AGBL4: variants seen among roughly 807,000 people sequenced by gnomAD.
AGBL4 encodes the protein AGBL carboxypeptidase 4, also known as cytosolic carboxypeptidase 6.
AGBL4 carries 58 observed loss-of-function variants against 66.4 expected under a neutral mutation model. That is an observed-to-expected ratio of 0.87 (90% CI 0.71 to 1.09). The LOEUF (loss-of-function observed/expected upper bound fraction) is 1.09, where lower values mean the gene tolerates loss of function less well. Ranked by LOEUF, AGBL4 falls within the 50% of genes least tolerant of loss-of-function variation. The pLI, the probability that AGBL4 is intolerant of heterozygous loss-of-function variation, is 0.00. For missense variants in AGBL4, 579 were observed against 631.0 expected, an observed-to-expected ratio of 0.92 and a Z score of 0.88; for synonymous variants, 234 against 222.9, an observed-to-expected ratio of 1.05 and a Z score of -0.44.
At chr1:49,322,149 C>G (rs535662212) in intron 3 of AGBL4, among the ~76,000 whole-genome samples, 1 of 152,280 alleles carries the variant, frequency 6.6e-6, no homozygotes, top group South Asian at 2.1e-4. Context: ...TTAAGGGGAA[C>G]AGACTAGAGC....
intron 5 of AGBL4, among the ~76,000 whole-genome samples, chr1:48,892,304 A>G (rs975969753): frequency 1.3e-5 from 2 of 152,238 alleles, no homozygotes; most frequent in Non-Finnish European, 2.9e-5. Context: ...GGCCAACCCG[A>G]ATCCAGTGTA....
At chr1:48,869,694 G>T (rs984568669) in intron 5 of AGBL4, among the ~76,000 whole-genome samples, 3 of 152,086 alleles carry the variant, frequency 2.0e-5, no homozygotes, top group Non-Finnish European at 4.4e-5. Flanking sequence ...GGAGCCAAAC[G>T]CAACCAGGTA....
chr1:49,477,359 C>G (rs1646867353), intron 3 of AGBL4, among the ~76,000 whole-genome samples: 1 of 152,042 alleles, frequency 6.6e-6, no homozygotes, highest in South Asian at 2.1e-4. Flanking sequence ...ATCCACGTAG[C>G]TTAGAGTGGA....
intron 4 of AGBL4, among the ~76,000 whole-genome samples, chr1:49,161,758 C>A (rs1462150238): frequency 1.3e-5 from 2 of 152,148 alleles, no homozygotes; most frequent in African/African-American, 4.8e-5. Context: ...GTTCTTCACA[C>A]TGAAGTCTGT....
intron 3 of AGBL4, among the ~76,000 whole-genome samples, chr1:49,389,229 C>T (rs1644798804): frequency 6.6e-6 from 1 of 151,916 alleles, no homozygotes; most frequent in Non-Finnish European, 1.5e-5. Context: ...GAAGGGAGAT[C>T]ATCTGCCATC....
intron 5 of AGBL4, among the ~76,000 whole-genome samples, chr1:48,905,122 G>C (rs1341562126): frequency 6.6e-6 from 1 of 152,182 alleles, no homozygotes; most frequent in Non-Finnish European, 1.5e-5. Context: ...ATCTTTAGGA[G>C]GTGGAATCAT....
intron 1 of AGBL4, among the ~76,000 whole-genome samples, chr1:49,923,873 T>G (rs1652506050): frequency 6.6e-6 from 1 of 152,162 alleles, no homozygotes; most frequent in Non-Finnish European, 1.5e-5. Context: ...TTGGGGGAAG[T>G]GTAACTTAGT....
intron 6 of AGBL4, among the ~76,000 whole-genome samples, chr1:48,732,881 C>A (rs1570399186): frequency 6.6e-6 from 1 of 152,100 alleles, no homozygotes; most frequent in Non-Finnish European, 1.5e-5. Context: ...ATCAAGGAGA[C>A]TGAGAAACCA....
intron 1 of AGBL4, among the ~76,000 whole-genome samples, chr1:49,880,852 T>C (rs916943902): frequency 1.2e-3 from 179 of 152,090 alleles, no homozygotes; most frequent in Non-Finnish European, 2.0e-3. Flanking sequence ...GTGTGGGATA[T>C]AGTCTCGTGG....
chr1:48,677,252 G>A (rs779584180), intron 6 of AGBL4, among the ~76,000 whole-genome samples: 2 of 152,166 alleles, frequency 1.3e-5, no homozygotes, highest in African/African-American at 2.4e-5. Context: ...TATAATAGAC[G>A]TGCAGTGTCT....
At chr1:48,729,745 T>C (rs979099346) in intron 6 of AGBL4, among the ~76,000 whole-genome samples, 2 of 152,082 alleles carry the variant, frequency 1.3e-5, no homozygotes, top group Non-Finnish European at 2.9e-5. Context: ...ATAAGCATTC[T>C]TTCTCTGAGG....
At chr1:48,568,751 CG>C (rs1274667915) in intron 11 of AGBL4, among the ~76,000 whole-genome samples, 1 of 152,298 alleles carries the variant, frequency 6.6e-6, no homozygotes, top group Admixed American at 6.5e-5. Flanking sequence ...TTTCAGCTCA[CG>C]GGCTCCTCCT....
chr1:49,634,008 T>C (rs1645622794), intron 3 of AGBL4, among the ~76,000 whole-genome samples: 1 of 151,520 alleles, frequency 6.6e-6, no homozygotes, highest in Non-Finnish European at 1.5e-5. Context: ...TTCAACATAC[T>C]ATCAATAATT....
chr1:49,335,602 G>A (rs1490912286), intron 3 of AGBL4, among the ~76,000 whole-genome samples: 2 of 151,466 alleles, frequency 1.3e-5, no homozygotes, highest in African/African-American at 2.4e-5. Context: ...TGCAAGCTCC[G>A]CCTCCCAGGT....
chr1:48,859,811 ATAGT>A (rs1647324868), intron 6 of AGBL4, among the ~76,000 whole-genome samples: 1 of 152,226 alleles, frequency 6.6e-6, no homozygotes, highest in African/African-American at 2.4e-5. Context: ...TCCTAAAGAA[ATAGT>A]TAGAGATATA....
intron 3 of AGBL4, among the ~76,000 whole-genome samples, chr1:49,592,560 T>C (rs1332958225): frequency 2.6e-5 from 4 of 152,044 alleles, no homozygotes; most frequent in Non-Finnish European, 5.9e-5. Flanking sequence ...ACAGTGAGGC[T>C]CTGTCTCAAA....
At chr1:49,507,412 T>C (rs1164828141) in intron 3 of AGBL4, among the ~76,000 whole-genome samples, 3 of 152,074 alleles carry the variant, frequency 2.0e-5, no homozygotes, top group Non-Finnish European at 4.4e-5. Context: ...AAAGCTAATA[T>C]ATTTACCAAC....
chr1:48,851,187 A>G (rs183246111), intron 6 of AGBL4, among the ~76,000 whole-genome samples: 1 of 152,324 alleles, frequency 6.6e-6, no homozygotes, highest in African/African-American at 2.4e-5. Context: ...TAGTGAGAAC[A>G]CTTACACAGC....
chr1:49,609,890 A>T (rs1033767888), intron 3 of AGBL4, among the ~76,000 whole-genome samples: 4 of 152,194 alleles, frequency 2.6e-5, no homozygotes, highest in African/African-American at 9.6e-5. Context: ...AGAATTAAAC[A>T]TAATGCTAAA....
Sources: allele counts gnomAD v4.1 joint callset (sites outside exome capture counted in the v4.1 genomes callset), GRCh38; gene constraint gnomAD v4.1.1; transcripts MANE v1.5; gene names NCBI Gene and HGNC (gene_info 2026-07-23, HGNC 2026-07-21).